SIDT2: variants seen among roughly 807,000 people sequenced by gnomAD.
SIDT2 encodes the protein SID1 transmembrane family, member 2.
SIDT2 carries 68 observed loss-of-function variants against 114.4 expected under a neutral mutation model. The observed-to-expected ratio is 0.59, with a 90% CI of 0.49 to 0.73. The LOEUF is 0.73. SIDT2 is among the 30% of genes least tolerant of loss of function. The pLI, the probability that SIDT2 is intolerant of heterozygous loss-of-function variation, is 0.00. For synonymous variants in SIDT2, 470 were observed against 438.4 expected (o/e 1.07, Z -0.90); for missense variants, 918 against 1,097.1 (o/e 0.84, Z 2.31).
At position 117,192,127 on chromosome 11, in the gene SIDT2, C is replaced by G; in HGVS notation, c.1872+113C>G. 6.4e-7 allele frequency: 1 copy of G among 1,554,724 alleles called. No individual in the cohort carries two copies. Among genetic ancestry groups the G allele is most frequent in the Non-Finnish European group, 8.8e-7 (1 of 1,138,780 alleles). On this transcript the variant is annotated intron_variant, in intron 19 of 25. Coordinates refer to ENST00000324225, the MANE Select transcript of SIDT2 (RefSeq NM_001040455.2). This position sits in a 1 kb window ranked among gnomAD's most constrained non-coding sequence, Gnocchi z 5.9. ...CTGCATGAGAGATTCCTGCTCCTTC[C>G]CTGAGATGCCTTCCTGGGCCCCTCT...
In SIDT2 at chr11:117,192,361, G is replaced by A. The variant is rs2134259280; in HGVS notation, c.1980G>A (p.Leu660=). 6.3e-7 allele frequency: 1 copy of A among 1,587,578 alleles called. No homozygotes were observed. Among genetic ancestry groups the A allele is most frequent in the Non-Finnish European group, 8.6e-7 (1 of 1,156,464 alleles). ...TCTATTACATGGGCCGGTGGAAACT[G>A]GGTAAGGGCACGCCCGGGGCAGGGC... ...TQLYYMGRWK[L]DSGIFRRILH... The change falls in exon 20 of 26, where the codon CTG becomes CTA. Residue 660 remains leucine (L), a splice_region_variant and synonymous_variant. Coordinates refer to ENST00000324225, the MANE Select transcript of SIDT2 (RefSeq NM_001040455.2). This position sits in a 1 kb window ranked among gnomAD's most constrained non-coding sequence, Gnocchi z 5.9.
At position 117,192,559 on chromosome 11, in the gene SIDT2, C is replaced by T. The variant is rs2030742462; in HGVS notation, c.1982-15C>T. 6.2e-7 allele frequency: 1 copy of T among 1,607,124 alleles called. No homozygotes were observed. ...GTGCCCCGTGCCTGTCAGCACCACT[C>T]CCTTCTCTTCGCAGACTCGGGGATC... On this transcript the variant is annotated splice_polypyrimidine_tract_variant and intron_variant, in intron 20 of 25. Transcript: ENST00000324225. The surrounding 1 kb of genome is among the most constrained non-coding windows in gnomAD (Gnocchi z 5.9).
chr11:117,179,792 T>C (rs2030196811), intron 1 of SIDT2: 1 of 197,172 alleles, frequency 5.1e-6, no homozygotes, highest in African/African-American at 2.6e-5. Context: ...AACAGGCTTA[T>C]TACTGGGCTT....
In SIDT2 at chr11:117,178,822, T is replaced by G; in HGVS notation, c.-442T>G. ...GGAAAACTCGCAGCCCAGCACGGCGTCGGGTAGCTACCACCTATCACGCCC... is the reference window on the plus strand; with the variant it reads ...GGAAAACTCGCAGCCCAGCACGGCGGCGGGTAGCTACCACCTATCACGCCC... On this transcript the variant is annotated 5_prime_UTR_variant, in exon 1 of 26. Transcript: ENST00000324225. 5.8e-6 allele frequency: 1 copy of G among 171,954 alleles called. No individual in the cohort carries two copies. The allele number at this position is 171,954 out of a possible 1,614,324, so 10.7% of individuals were successfully genotyped here. A position where few individuals can be genotyped will look rare whatever the true frequency, so the allele number is the denominator to read the frequency against.
At chr11:117,180,804 A>G (rs991364565) in intron 1 of SIDT2, among the ~76,000 whole-genome samples, 8 of 152,052 alleles carry the variant, frequency 5.3e-5, no homozygotes, top group African/African-American at 1.9e-4. Flanking sequence ...CCAAAGTGCT[A>G]CAAGCGTGAG....
In SIDT2 at chr11:117,182,740, G is replaced by A; in HGVS notation, c.636G>A (p.Leu212=). 1 of 1,614,162 alleles carries A rather than the reference G, an allele frequency of 6.2e-7. No homozygotes were observed. Among genetic ancestry groups the A allele is most frequent in the Middle Eastern group, 1.6e-4 (1 of 6,062 alleles). ...CTCTGCAGTGTCCTGTCTATGACCT[G>A]GACAACAACGTAGCCTTCATCGGCA... The part of the protein sequence containing the change: ...IQDVLCPVYD[L]DNNVAFIGMY... Residue 212 remains leucine, a synonymous_variant, in exon 6 of 26, where the codon CTG becomes CTA. Coordinates refer to ENST00000324225, the MANE Select transcript of SIDT2 (RefSeq NM_001040455.2).
chr11:117,187,111 G>A (rs2030525807), intron 10 of SIDT2: 3 of 1,378,152 alleles, frequency 2.2e-6, no homozygotes, highest in Non-Finnish European at 3.0e-6. Context: ...TGTCTTTGTT[G>A]CTGGTAACTT....
chr11:117,179,429 A>T lies in SIDT2; in HGVS notation c.166A>T (p.Thr56Ser). The T allele has an allele frequency of 3.1e-6, 5 of 1,613,130 alleles. No homozygotes were observed. Among genetic ancestry groups the T allele is most frequent in the Non-Finnish European group, 3.4e-6 (4 of 1,179,568 alleles). The change falls in exon 1 of 26, where the codon ACT becomes TCT. Residue 56 changes from threonine to serine, a missense_variant. Physicochemically the swap from Thr to Ser is moderately conservative, Grantham distance 58. Transcript: ENST00000324225. ...ELVNIYTFNH[T>S]VTRNRTEGVR... is the part of the protein sequence containing the mutation. ...GGTCAACATCTACACCTTCAACCAT[A>T]CTGTGACCCGCAACAGGGTGAGGGC... is the stretch of plus-strand genomic sequence containing the variant.
At chr11:117,191,780 C>G in intron 18 of SIDT2, 98 bp from the exon 19 acceptor site, 1 of 1,524,884 alleles carries the variant, frequency 6.6e-7, no homozygotes, top group South Asian at 1.3e-5. Context: ...TGGTGGGGCA[C>G]CAGGGCTCTC....
Position 117,197,161 on chromosome 11 carries a change from A to C in SIDT2, c.*1095A>C, listed in dbSNP as rs2030921077. ...CACACACATACCTATGAAACCTTGG[A>C]GTTTACAAAGAATTGCCCCAGCTCT... On this transcript the variant is annotated 3_prime_UTR_variant, in exon 26 of 26. Transcript: ENST00000324225. The C allele has an allele frequency of 6.6e-6, 1 of 152,284 alleles. No individual in the cohort carries two copies. The highest frequency in any genetic ancestry group is 1.5e-5 in the Non-Finnish European group (1 of 68,070). 9.4% of individuals were successfully genotyped at this position (152,284 alleles called of 1,614,324 possible). A position where few individuals can be genotyped will look rare whatever the true frequency, so the allele number is the denominator to read the frequency against.
At chr11:117,179,534 GC>G in intron 1 of SIDT2, 88 bp downstream of exon 1, 1 of 1,430,380 alleles carries the variant, frequency 7.0e-7, no homozygotes, top group Non-Finnish European at 9.5e-7. Flanking sequence ...CTTTTGGGAG[GC>G]CCCAGGAACG....
rs1160619066 is a variant in SIDT2 at position 117,189,864 on chromosome 11, GT to G, written c.1420-82del. 1.0e-5 allele frequency: 14 copies of G among 1,338,456 alleles called. No individual in the cohort carries two copies. In the East Asian group the frequency reaches 3.2e-4, roughly 31 times the overall value. The allele number at this position is 1,338,456 out of a possible 1,614,324, so 82.9% of individuals were successfully genotyped here. A position where few individuals can be genotyped will look rare whatever the true frequency, so the allele number is the denominator to read the frequency against. On this transcript the variant is annotated intron_variant, in intron 15 of 25. Transcript: ENST00000324225. Reference sequence around the variant, plus strand: ...CCTGCTAGCTGTGGTGGCACTTGCTGTTTTTTGCCAAAGGGGCCCGGATGGC... The same window carrying G: ...CCTGCTAGCTGTGGTGGCACTTGCTGTTTTTGCCAAAGGGGCCCGGATGGC...
chr11:117,187,929 G>C (rs1454979167), intron 12 of SIDT2: 2 of 684,234 alleles, frequency 2.9e-6, no homozygotes, highest in Admixed American at 2.0e-5. Context: ...CCTCTGGCCA[G>C]ATGCGGCAGC....
chr11:117,195,085 C>CAAAAAAAAAAAAAAA lies in SIDT2; in HGVS notation c.2323-702_2323-688dup, dbSNP rs55970874. ...CTGTCAACAGAGCAAGACTCTGTCT[C>CAAAAAAAAAAAAAAA]AAAAAAAAAAAAAAAAAAAAAAAAA... On this transcript the variant is annotated intron_variant, in intron 24 of 25. Transcript: ENST00000324225. Among the ~76,000 whole-genome samples, 9 of 45,700 alleles carry CAAAAAAAAAAAAAAA rather than the reference C, an allele frequency of 2.0e-4. 2 individuals carry two copies. Among genetic ancestry groups the CAAAAAAAAAAAAAAA allele is most frequent in the Non-Finnish European group, 3.5e-4 (8 of 22,880 alleles). The allele number at this position is 45,700 out of a possible 152,430, so 30.0% of individuals were successfully genotyped here.
At chr11:117,189,849 G>C in intron 15 of SIDT2, 103 bp from the exon 16 acceptor site, 1 of 1,011,946 alleles carries the variant, frequency 9.9e-7, no homozygotes, top group Non-Finnish European at 1.6e-6. Flanking sequence ...CCTGCTAGCT[G>C]TGGTGGCACT....
In SIDT2 at chr11:117,188,581, C is replaced by G; in HGVS notation, c.1160-127C>G. 1.4e-6 allele frequency: 1 copy of G among 710,282 alleles called. No homozygotes were observed. Among genetic ancestry groups the G allele is most frequent in the Non-Finnish European group, 2.5e-6 (1 of 398,326 alleles). The allele number at this position is 710,282 out of a possible 1,614,324, so 44.0% of individuals were successfully genotyped here. On this transcript the variant is annotated intron_variant, in intron 12 of 25. Transcript: ENST00000324225. This position sits in a 1 kb window ranked among gnomAD's most constrained non-coding sequence, Gnocchi z 4.0. ...TCCTGAGCCCACTTCCACCCCAACT[C>G]TGAGGCCCAGCCCACAATTTGCCTC... is the stretch of plus-strand genomic sequence containing the variant.
rs748928412 is a variant in SIDT2, at chr11:117,178,813, A to C, written c.-451A>C. On this transcript the variant is annotated 5_prime_UTR_variant, in exon 1 of 26. Coordinates refer to ENST00000324225, the MANE Select transcript of SIDT2 (RefSeq NM_001040455.2). ...CCGCACCTCGGAAAACTCGCAGCCC[A>C]GCACGGCGTCGGGTAGCTACCACCT... 1.2e-5 allele frequency: 2 copies of C among 169,452 alleles called. No individual in the cohort carries two copies. The highest frequency in any genetic ancestry group is 2.6e-5 in the Non-Finnish European group (2 of 78,186). 10.5% of individuals were successfully genotyped at this position (169,452 alleles called of 1,614,324 possible).
chr11:117,195,870 C>T lies in SIDT2; in HGVS notation c.2391C>T (p.Asp797=). 2 of 1,614,258 alleles carry T rather than the reference C, an allele frequency of 1.2e-6. No individual in the cohort carries two copies. The highest frequency in any genetic ancestry group is 8.5e-7 in the Non-Finnish European group (1 of 1,180,040). The change falls in exon 25 of 26, where the codon GAC becomes GAT. Residue 797 remains aspartate, a synonymous_variant. Transcript: ENST00000324225. Reference sequence around the variant, plus strand: ...TCCTCGACTTCTTTGACGACCACGACATCTGGCACTTCCTCTCCTCCATCG... The same window carrying T: ...TCCTCGACTTCTTTGACGACCACGATATCTGGCACTTCCTCTCCTCCATCG... ...CILLDFFDDH[D]IWHFLSSIAM...
At chr11:117,185,895 A>C (rs1211539425) in intron 8 of SIDT2, 2 of 339,302 alleles carry the variant, frequency 5.9e-6, no homozygotes, top group East Asian at 5.3e-5. Flanking sequence ...AAAAAAAAAA[A>C]GTAGAAGAGA....
Sources: allele counts gnomAD v4.1 joint callset (sites outside exome capture counted in the v4.1 genomes callset), GRCh38; gene constraint gnomAD v4.1.1; non-coding constraint Gnocchi (gnomAD v3.1); transcripts MANE v1.5; gene names NCBI Gene and HGNC (gene_info 2026-07-23, HGNC 2026-07-21).